The following RAB30 variants were observed in gnomAD, a reference collection of about 807,000 sequenced individuals.
The protein encoded by RAB30 is ras-related protein Rab-30.
In RAB30, 9 loss-of-function variants were observed where a neutral mutation model predicts 25.1. The observed-to-expected ratio is 0.36, with a 90% CI of 0.22 to 0.63. The LOEUF (loss-of-function observed/expected upper bound fraction) is 0.63. Among genes scored for constraint, RAB30 ranks in the 20% least tolerant of loss-of-function variants. The pLI is 0.69. For synonymous variants in RAB30, 77 were observed against 86.4 expected (o/e 0.89, Z 0.60); for missense variants, 140 against 243.5 (o/e 0.58, Z 2.83).
intron 1 of RAB30, among the ~76,000 whole-genome samples, chr11:83,033,055 C>CTTT (rs71463144): frequency 6.5e-4 from 51 of 77,872 alleles, no homozygotes; most frequent in Non-Finnish European, 8.9e-4. Flanking sequence ...GCCTCAAATT[C>CTTT]TTTTTTTTTT....
intron 1 of RAB30, among the ~76,000 whole-genome samples, chr11:83,006,258 T>G (rs1433910969): frequency 1.3e-5 from 2 of 152,222 alleles, no homozygotes; most frequent in Admixed American, 1.3e-4. Context: ...AAGGCACATG[T>G]AGTAGGATAT....
At chr11:82,982,476 A>T (rs1856660008) in intron 4 of RAB30, 61 bp from the exon 5 acceptor site, 1 of 1,549,896 alleles carries the variant, frequency 6.5e-7, no homozygotes, top group African/African-American at 1.4e-5. Flanking sequence ...GCTGAGAAGC[A>T]TCAAAATTCA....
chr11:82,990,957 G>A (rs539428449), intron 3 of RAB30, among the ~76,000 whole-genome samples: 1 of 152,178 alleles, frequency 6.6e-6, no homozygotes, highest in Non-Finnish European at 1.5e-5. Flanking sequence ...GGCCTTAATA[G>A]CTACAAAAAT....
chr11:83,056,973 T>C (rs1038373183), intron 1 of RAB30, among the ~76,000 whole-genome samples: 1 of 152,142 alleles, frequency 6.6e-6, no homozygotes, highest in Non-Finnish European at 1.5e-5. Flanking sequence ...GACCAAACAA[T>C]CTGTGGCAGG....
At chr11:82,993,200 C>G (rs1856892806) in intron 3 of RAB30, among the ~76,000 whole-genome samples, 1 of 152,190 alleles carries the variant, frequency 6.6e-6, no homozygotes, top group Admixed American at 6.5e-5. Context: ...GCCTAGTGTG[C>G]CTTTCTTCCC....
intron 1 of RAB30, chr11:83,034,247 C>T (rs566032656): frequency 6.6e-6 from 1 of 152,280 alleles, no homozygotes; most frequent in Admixed American, 6.5e-5. Context: ...ACAACCGGCT[C>T]CAGTGCACAG....
rs1491123798 is a variant in RAB30, at chr11:83,014,693, A to AGAAAGAAG, written c.-8-17370_-8-17369insCTTCTTTC. Among the ~76,000 whole-genome samples, 283 of 143,972 alleles carry AGAAAGAAG rather than the reference A, an allele frequency of 2.0e-3. 2 individuals carry two copies. The highest frequency in any genetic ancestry group is 7.3e-3 in the African/African-American group (270 of 37,048). The allele number at this position is 143,972 out of a possible 152,430, so 94.5% of individuals were successfully genotyped here. ...AAGAAAGAAAGAAAGAAAGAAAGAAAGAGAAAGGAAGGAAGGAAGGATGGA... is the reference window on the plus strand; with the variant it reads ...AAGAAAGAAAGAAAGAAAGAAAGAAAGAAAGAAGGAGAAAGGAAGGAAGGAAGGATGGA... On this transcript the variant is annotated intron_variant, in intron 1 of 4. Transcript: ENST00000527633.
chr11:83,066,962 A>G (rs1858714497), intron 1 of RAB30, among the ~76,000 whole-genome samples: 1 of 152,186 alleles, frequency 6.6e-6, no homozygotes, highest in Admixed American at 6.5e-5. Context: ...ATAGGCCCTT[A>G]GTGACTTAGG....
At chr11:83,015,663 G>A (rs1363149746) in intron 1 of RAB30, among the ~76,000 whole-genome samples, 1 of 152,218 alleles carries the variant, frequency 6.6e-6, no homozygotes, top group African/African-American at 2.4e-5. Flanking sequence ...GGATATCTAT[G>A]GAGAGTGGAT....
At chr11:83,000,022 C>G (rs1163656401) in intron 1 of RAB30, among the ~76,000 whole-genome samples, 1 of 152,210 alleles carries the variant, frequency 6.6e-6, no homozygotes, top group Non-Finnish European at 1.5e-5. Context: ...TCCCCATCAT[C>G]ATCATCTCAT....
chr11:82,992,283 C>T (rs758997463), intron 3 of RAB30: 18 of 456,104 alleles, frequency 3.9e-5, no homozygotes, highest in South Asian at 2.8e-4. Flanking sequence ...TTTTTGTTCA[C>T]TTTTTAGTTA....
At chr11:83,020,937 A>T (rs1857562586) in intron 1 of RAB30, among the ~76,000 whole-genome samples, 1 of 152,060 alleles carries the variant, frequency 6.6e-6, no homozygotes. Context: ...AGAGCTGCAG[A>T]TGACAGGATG....
rs1303501026 is a variant in RAB30 at position 82,979,762 on chromosome 11, A to C, written c.*2403T>G. 2 of 152,200 alleles carry C rather than the reference A, an allele frequency of 1.3e-5. No homozygotes were observed. The highest frequency in any genetic ancestry group is 2.9e-5 in the Non-Finnish European group (2 of 68,054). 9.4% of individuals were successfully genotyped at this position (152,200 alleles called of 1,614,324 possible). A position where few individuals can be genotyped will look rare whatever the true frequency, so the allele number is the denominator to read the frequency against. On this transcript the variant is annotated 3_prime_UTR_variant, in exon 5 of 5. Coordinates refer to ENST00000527633, the MANE Select transcript of RAB30 (RefSeq NM_001286060.2). ...AAAAGAAACAAAGTCCCACATTCTCATGTGTTCCTGCTGATGGGCTGTGGA... is the reference window on the plus strand; with the variant it reads ...AAAAGAAACAAAGTCCCACATTCTCCTGTGTTCCTGCTGATGGGCTGTGGA...
intron 1 of RAB30, among the ~76,000 whole-genome samples, chr11:83,061,369 T>C (rs901506079): frequency 6.6e-6 from 1 of 152,200 alleles, no homozygotes; most frequent in African/African-American, 2.4e-5. Flanking sequence ...ATTGGGTAAG[T>C]AGTCTTGATA....
rs188068804 is a variant in RAB30, at chr11:83,062,976, C to G, written c.-9+8715G>C. On this transcript the variant is annotated intron_variant, in intron 1 of 4. Coordinates refer to ENST00000527633, the MANE Select transcript of RAB30 (RefSeq NM_001286060.2). ...CAAGATTGCGCCACTGCACTCCAGC[C>G]TGGGTGACAGAGTGGGACTCCGTCT... Among the ~76,000 whole-genome samples, 178 of 142,868 alleles carry G rather than the reference C, an allele frequency of 1.2e-3. 4 individuals are homozygous for G. The East Asian group carries it at 0.032, about 25-fold the overall frequency. 93.7% of individuals were successfully genotyped at this position (142,868 alleles called of 152,430 possible).
chr11:82,986,267 T>C (rs1856737196), intron 4 of RAB30, among the ~76,000 whole-genome samples: 2 of 152,190 alleles, frequency 1.3e-5, no homozygotes, highest in African/African-American at 4.8e-5. Context: ...AGATTGGTCA[T>C]GAGTTGGTAA....
chr11:83,017,259 C>A (rs1018859704), intron 1 of RAB30, among the ~76,000 whole-genome samples: 1 of 152,094 alleles, frequency 6.6e-6, no homozygotes, highest in African/African-American at 2.4e-5. Flanking sequence ...ATCATTTGAG[C>A]CTGGGAAGTA....
chr11:82,987,857 A>C, intron 3 of RAB30, 87 bp from the exon 4 acceptor site: 1 of 638,398 alleles, frequency 1.6e-6, no homozygotes, highest in African/African-American at 2.0e-5. Flanking sequence ...CTTTGGTTTG[A>C]AAATGGGTAC....
At chr11:82,983,868 A>T (rs186269397) in intron 4 of RAB30, among the ~76,000 whole-genome samples, 4 of 152,326 alleles carry the variant, frequency 2.6e-5, no homozygotes, top group African/African-American at 7.2e-5. Flanking sequence ...TTTTGGTGGT[A>T]CTGTTGGTAT....
Sources: gnomAD v4.1 joint callset for allele counts (sites outside exome capture counted in the v4.1 genomes callset) on GRCh38, gnomAD v4.1.1 for gene constraint, MANE v1.5 for transcripts, NCBI Gene and HGNC (gene_info 2026-07-23, HGNC 2026-07-21) for gene names.